The following PDE8A variants were observed in gnomAD, a reference collection of about 807,000 sequenced individuals.
PDE8A encodes high affinity cAMP-specific and IBMX-insensitive 3',5'-cyclic phosphodiesterase 8A.
PDE8A carries 59 observed loss-of-function variants against 105.0 expected under a neutral mutation model. That is an observed-to-expected ratio of 0.56 (90% confidence interval 0.46 to 0.70). The LOEUF (loss-of-function observed/expected upper bound fraction) is 0.70, where lower values mean the gene tolerates loss of function less well. PDE8A is among the 30% of genes least tolerant of loss of function. The pLI, the probability that PDE8A is intolerant of heterozygous loss-of-function variation, is 0.00. For synonymous variants in PDE8A, 355 were observed against 371.9 expected, an observed-to-expected ratio of 0.95 and a Z score of 0.52; for missense variants, 1,014 against 1,045.9, an observed-to-expected ratio of 0.97 and a Z score of 0.42.
intron 8 of PDE8A, among the ~76,000 whole-genome samples, chr15:85,097,080 G>A (rs903873050): frequency 6.6e-6 from 1 of 152,176 alleles, no homozygotes; most frequent in Non-Finnish European, 1.5e-5. Context: ...GGTCCTGAGG[G>A]ACTCTGGAAG....
In PDE8A at chr15:85,017,831, G is replaced by C. The variant is rs978475945; in HGVS notation, c.186+35483G>C. Among the ~76,000 whole-genome samples, 31 of 132,140 alleles carry C rather than the reference G, an allele frequency of 2.3e-4. 2 individuals carry two copies. The highest frequency in any genetic ancestry group is 9.2e-5 in the Admixed American group (1 of 10,910). The allele number at this position is 132,140 out of a possible 152,430, so 86.7% of individuals were successfully genotyped here. A position where few individuals can be genotyped will look rare whatever the true frequency, so the allele number is the denominator to read the frequency against. On this transcript the variant is annotated intron_variant, in intron 1 of 21. Transcript: ENST00000394553. The stretch of plus-strand genomic sequence containing the variant: ...GAACCTGGGAGACAGAGGTTGCAGT[G>C]AGCCGAGATCGCGCCATTGCACTCC...
intron 11 of PDE8A, 100 bp from the exon 12 acceptor site, chr15:85,108,953 A>G: frequency 2.6e-6 from 2 of 769,764 alleles, no homozygotes; most frequent in Admixed American, 2.3e-5. Flanking sequence ...CATTTAAAAC[A>G]TTTAAAGTTG....
chr15:84,982,441 C>A, intron 1 of PDE8A, 93 bp downstream of exon 1: 1 of 754,802 alleles, frequency 1.3e-6, no homozygotes, highest in Non-Finnish European at 1.9e-6. Context: ...TCCCCCCCAC[C>A]CGGCCTCGGT....
At chr15:85,075,984 C>A in intron 4 of PDE8A, 66 bp downstream of exon 4, 1 of 818,944 alleles carries the variant, frequency 1.2e-6, no homozygotes, top group Non-Finnish European at 2.1e-6. Flanking sequence ...TAACAGATGG[C>A]CAAATAACAG....
At chr15:85,062,194 A>G (rs562707565) in intron 1 of PDE8A, among the ~76,000 whole-genome samples, 1 of 152,270 alleles carries the variant, frequency 6.6e-6, no homozygotes, top group South Asian at 2.1e-4. Flanking sequence ...GGACATTTGA[A>G]TGTAATAATG....
At chr15:85,062,251 A>ATTGTTTTGTT (rs59124541) in intron 1 of PDE8A, among the ~76,000 whole-genome samples, 1 of 151,762 alleles carries the variant, frequency 6.6e-6, no homozygotes, top group Admixed American at 6.6e-5. Flanking sequence ...ATTTGCTGTT[A>ATTGTTTTGTT]TTGTTTTGTT....
intron 20 of PDE8A, among the ~76,000 whole-genome samples, chr15:85,127,430 TACAA>T (rs1334008056): frequency 6.6e-6 from 1 of 152,146 alleles, no homozygotes; most frequent in Admixed American, 6.5e-5. Flanking sequence ...CTAAGGAATA[TACAA>T]ACAATTATTA....
At chr15:85,054,644 G>C (rs2081031103) in intron 1 of PDE8A, among the ~76,000 whole-genome samples, 1 of 152,152 alleles carries the variant, frequency 6.6e-6, no homozygotes, top group South Asian at 2.1e-4. Context: ...TTGTATTTCT[G>C]TGGGATCGGT....
rs1596402890 is a variant in PDE8A at position 84,982,295 on chromosome 15, A to G, written c.133A>G (p.Thr45Ala). 1 of 1,377,550 alleles carries G rather than the reference A, an allele frequency of 7.3e-7. No individual in the cohort carries two copies. Among genetic ancestry groups the G allele is most frequent in the Non-Finnish European group, 9.3e-7 (1 of 1,076,104 alleles). The allele number at this position is 1,377,550 out of a possible 1,614,324, so 85.3% of individuals were successfully genotyped here. ...QGQKTAALPR[T>A]RGAGLLESEL... is the part of the protein sequence containing the mutation. ...CCAGAAGACGGCCGCCTTGCCCCGG[A>G]CCCGCGGCGCCGGCCTCTTGGAGTC... The change falls in exon 1 of 22, where the codon ACC becomes GCC. Residue 45 changes from threonine to alanine, a missense_variant. Thr to Ala is a moderately conservative substitution (Grantham distance 58). Coordinates refer to ENST00000394553, the MANE Select transcript of PDE8A (RefSeq NM_002605.3).
intron 18 of PDE8A, among the ~76,000 whole-genome samples, chr15:85,122,596 T>C (rs189509985): frequency 6.6e-6 from 1 of 152,306 alleles, no homozygotes; most frequent in East Asian, 1.9e-4. Flanking sequence ...CCCCTTCAAA[T>C]TTTGAATTAC....
At chr15:85,095,061 A>G (rs1596513164) in intron 8 of PDE8A, among the ~76,000 whole-genome samples, 1 of 152,252 alleles carries the variant, frequency 6.6e-6, no homozygotes, top group East Asian at 1.9e-4. Flanking sequence ...CTGGATGATG[A>G]TGATTTAATT....
intron 20 of PDE8A, among the ~76,000 whole-genome samples, chr15:85,132,481 T>C (rs917231631): frequency 6.6e-6 from 1 of 152,208 alleles, no homozygotes; most frequent in Admixed American, 6.5e-5. Flanking sequence ...GCCTTCAAAT[T>C]TGAGATGGAG....
At chr15:85,097,835 A>G (rs1378915662) in intron 8 of PDE8A, 113 bp from the exon 9 acceptor site, 16 of 651,834 alleles carry the variant, frequency 2.5e-5, no homozygotes, top group Admixed American at 5.7e-5. Flanking sequence ...GGTTGGGATC[A>G]TTTTTTATCT....
At chr15:85,019,932 GT>G (rs1211930252) in intron 1 of PDE8A, among the ~76,000 whole-genome samples, 6 of 105,472 alleles carry the variant, frequency 5.7e-5, no homozygotes, top group Non-Finnish European at 9.8e-5. Context: ...CTTTGGGGGA[GT>G]TTTTTTTTGG....
At chr15:85,017,866 A>C (rs1488375551) in intron 1 of PDE8A, among the ~76,000 whole-genome samples, 1 of 101,772 alleles carries the variant, frequency 9.8e-6, no homozygotes, top group Non-Finnish European at 2.0e-5. Context: ...CAGCCTGAGC[A>C]ACAGGAGCGA....
chr15:85,113,808 C>T, intron 13 of PDE8A, 65 bp from the exon 14 acceptor site: 1 of 1,257,692 alleles, frequency 8.0e-7, no homozygotes. Flanking sequence ...ACACGTACTG[C>T]CATGCCTGGC....
At chr15:84,996,507 A>T (rs1313181645) in intron 1 of PDE8A, among the ~76,000 whole-genome samples, 1 of 152,060 alleles carries the variant, frequency 6.6e-6, no homozygotes. Flanking sequence ...ACATAGAAAA[A>T]GTATAATAAA....
chr15:85,046,631 A>C (rs2080892112), intron 1 of PDE8A, among the ~76,000 whole-genome samples: 2 of 152,238 alleles, frequency 1.3e-5, no homozygotes. Context: ...AAACAGACAA[A>C]AAAGAAGATA....
chr15:85,102,029 C>T (rs947920895), intron 11 of PDE8A, among the ~76,000 whole-genome samples: 1 of 152,044 alleles, frequency 6.6e-6, no homozygotes, highest in Non-Finnish European at 1.5e-5. Context: ...ATGTTTCTGG[C>T]CAGCCAAGCA....
Sources: allele counts gnomAD v4.1 joint callset (sites outside exome capture counted in the v4.1 genomes callset), GRCh38; gene constraint gnomAD v4.1.1; transcripts MANE v1.5; gene names NCBI Gene and HGNC (gene_info 2026-07-23, HGNC 2026-07-21).